Variants in WDR72 observed in about 807,000 individuals in gnomAD.
WDR72 encodes WD repeat domain 72.
WDR72 carries 120 observed loss-of-function variants against 124.2 expected under a neutral mutation model. That is an observed-to-expected ratio of 0.97 (90% CI 0.83 to 1.12). The LOEUF (loss-of-function observed/expected upper bound fraction) is 1.12. WDR72 is among the 50% of genes most tolerant of loss of function. The probability of loss-of-function intolerance (pLI) is 0.00; values close to 1 mark genes in which losing one functional copy is unlikely to be tolerated. For synonymous variants in WDR72, 452 were observed against 441.7 expected (o/e 1.02, Z -0.29); for missense variants, 1,387 against 1,278.8 (o/e 1.08, Z -1.29).
intron 18 of WDR72, among the ~76,000 whole-genome samples, chr15:53,578,556 G>C (rs145925729): frequency 4.3e-4 from 66 of 152,220 alleles, no homozygotes; most frequent in African/African-American, 1.5e-3. Context: ...CGGTCCTTTG[G>C]AGGAACTGAA....
chr15:53,678,429 T>G, intron 13 of WDR72, among the ~76,000 whole-genome samples: 1 of 152,190 alleles, frequency 6.6e-6, no homozygotes, highest in East Asian at 1.9e-4. Flanking sequence ...CAGTAGTCTT[T>G]GGTGGGCTCT....
intron 13 of WDR72, among the ~76,000 whole-genome samples, chr15:53,693,435 A>G (rs1176425308): frequency 6.6e-6 from 1 of 152,216 alleles, no homozygotes; most frequent in African/African-American, 2.4e-5. Context: ...TAAACTATTA[A>G]AGCAAACTCA....
intron 18 of WDR72, among the ~76,000 whole-genome samples, chr15:53,548,879 T>C (rs1893606548): frequency 6.6e-6 from 1 of 152,116 alleles, no homozygotes; most frequent in African/African-American, 2.4e-5. Context: ...ATGCAAACAG[T>C]GTTTCCATTT....
chr15:53,699,893 A>G lies in WDR72; in HGVS notation c.1622T>C (p.Leu541Pro), dbSNP rs769398754. Residue 541 changes from leucine to proline, a missense_variant, in exon 13 of 20, where the codon CTC becomes CCC. Leu to Pro is a moderately conservative substitution (Grantham distance 98). Coordinates refer to ENST00000360509, the MANE Select transcript of WDR72 (RefSeq NM_182758.4). The stretch of plus-strand genomic sequence containing the variant: ...GCAACTCTTTCCCTCAAGGTGAAGG[A>G]GAGCCACGGAATGGTCACCGCACAC... ...CCVCGDHSVALLHLEGKSCLL... is the reference protein window; with the variant it reads ...CCVCGDHSVAPLHLEGKSCLL... 6.2e-7 allele frequency: 1 copy of G among 1,614,200 alleles called. No homozygotes were observed.
intron 14 of WDR72, among the ~76,000 whole-genome samples, chr15:53,649,571 T>C (rs1015264413): frequency 2.6e-5 from 4 of 152,028 alleles, no homozygotes; most frequent in Admixed American, 1.3e-4. Flanking sequence ...AGTCCAAGAA[T>C]TCTTACAACT....
At chr15:53,728,579 T>C (rs923953630) in intron 2 of WDR72, among the ~76,000 whole-genome samples, 4 of 152,216 alleles carry the variant, frequency 2.6e-5, no homozygotes, top group African/African-American at 9.6e-5. Flanking sequence ...CCATTCTTTG[T>C]CTCCACACAT....
intron 13 of WDR72, among the ~76,000 whole-genome samples, chr15:53,681,327 A>G (rs74015880): frequency 0.027 from 4,108 of 152,262 alleles, 102 homozygotes; most frequent in East Asian, 0.069. Flanking sequence ...ACTAAACGTT[A>G]CAGCTGTGAA....
intron 18 of WDR72, among the ~76,000 whole-genome samples, chr15:53,563,392 C>A (rs1781896764): frequency 6.6e-6 from 1 of 151,758 alleles, no homozygotes; most frequent in Admixed American, 6.6e-5. Context: ...ACATGTACTT[C>A]ATTTGAGCTG....
chr15:53,731,937 A>G (rs74370851), intron 2 of WDR72, among the ~76,000 whole-genome samples: 1,885 of 152,344 alleles, frequency 0.012, 37 homozygotes, highest in African/African-American at 0.043. Flanking sequence ...TGACCTACAT[A>G]TTATTACACA....
Position 53,615,448 on chromosome 15 carries a change from C to A in WDR72, c.2758G>T (p.Glu920Ter). 6.2e-7 allele frequency: 1 copy of A among 1,610,854 alleles called. No homozygotes were observed. Among genetic ancestry groups the A allele is most frequent in the African/African-American group, 1.3e-5 (1 of 74,858 alleles). Reference sequence around the variant, plus strand: ...TACCTGCCAACTCTACATGCCAATTCTAAAGGCATGTTAACTAATTTATTA... The same window carrying A: ...TACCTGCCAACTCTACATGCCAATTATAAAGGCATGTTAACTAATTTATTA... ...LVNKLVNMPL[E>*]LACRVGSSFR... The change falls in exon 15 of 20, where the codon GAA becomes TAA. Residue 920 changes from glutamate to a stop codon, truncating the protein, a stop_gained. Coordinates refer to ENST00000360509, the MANE Select transcript of WDR72 (RefSeq NM_182758.4). LOFTEE classifies it high-confidence loss of function.
chr15:53,716,847 A>G (rs1567045960), intron 3 of WDR72, among the ~76,000 whole-genome samples, 162 bp from the exon 4 acceptor site: 2 of 152,122 alleles, frequency 1.3e-5, no homozygotes, highest in East Asian at 1.9e-4. Flanking sequence ...GGGATGACAT[A>G]CTGTATCTGT....
At chr15:53,652,693 T>C (rs1166978635) in intron 14 of WDR72, among the ~76,000 whole-genome samples, 4 of 152,176 alleles carry the variant, frequency 2.6e-5, no homozygotes, top group South Asian at 2.1e-4. Flanking sequence ...GTGCTTATTT[T>C]AGACAACTTT....
At chr15:53,623,265 T>G (rs544216268) in intron 14 of WDR72, among the ~76,000 whole-genome samples, 7 of 152,182 alleles carry the variant, frequency 4.6e-5, no homozygotes, top group African/African-American at 1.7e-4. Flanking sequence ...CACAGTCCTC[T>G]TCTTTCCTTT....
At chr15:53,604,269 G>A (rs778936387) in intron 17 of WDR72, among the ~76,000 whole-genome samples, 62 of 152,174 alleles carry the variant, frequency 4.1e-4, no homozygotes, top group Non-Finnish European at 8.2e-4. Context: ...GGGATAACTG[G>A]TTAGCCACAT....
At chr15:53,674,025 T>C (rs2016081360) in intron 13 of WDR72, among the ~76,000 whole-genome samples, 1 of 152,034 alleles carries the variant, frequency 6.6e-6, no homozygotes, top group Admixed American at 6.6e-5. Flanking sequence ...TCATCACTAA[T>C]CACATAATAG....
chr15:53,722,864 T>G lies in WDR72; in HGVS notation c.198A>C (p.Thr66=). The G allele has an allele frequency of 1.2e-6, 2 of 1,612,680 alleles. No individual in the cohort carries two copies. Among genetic ancestry groups the G allele is most frequent in the Admixed American group, 3.3e-5 (2 of 59,978 alleles). Reference sequence around the variant, plus strand: ...AGAAGTCCCTTGCTCTTGCCAAACATGTTACCGAAGCTGAATGACCAAATA... The same window carrying G: ...AGAAGTCCCTTGCTCTTGCCAAACAGGTTACCGAAGCTGAATGACCAAATA... The part of the protein sequence containing the change: ...ELLFGHSASV[T]CLARARDFSK... Residue 66 remains threonine, a synonymous_variant, in exon 3 of 20, where the codon ACA becomes ACC. Coordinates refer to ENST00000360509, the MANE Select transcript of WDR72 (RefSeq NM_182758.4).
At chr15:53,670,437 T>A (rs932258258) in intron 13 of WDR72, among the ~76,000 whole-genome samples, 1 of 152,192 alleles carries the variant, frequency 6.6e-6, no homozygotes, top group Non-Finnish European at 1.5e-5. Context: ...CAGTTCAGCA[T>A]AACCCACAGC....
chr15:53,670,714 G>A (rs1461408), intron 13 of WDR72, among the ~76,000 whole-genome samples: 10,357 of 152,228 alleles, frequency 0.068, 1,207 homozygotes, highest in African/African-American at 0.24. Context: ...CCTACATCAT[G>A]GAGTTACTTG....
At chr15:53,659,188 G>A (rs1469251717) in intron 14 of WDR72, among the ~76,000 whole-genome samples, 1 of 152,148 alleles carries the variant, frequency 6.6e-6, no homozygotes, top group Non-Finnish European at 1.5e-5. Flanking sequence ...AGCTTTCTTT[G>A]AAGAACTATT....
Sources: allele counts gnomAD v4.1 joint callset (sites outside exome capture counted in the v4.1 genomes callset), GRCh38; gene constraint gnomAD v4.1.1; transcripts MANE v1.5; gene names NCBI Gene and HGNC (gene_info 2026-07-23, HGNC 2026-07-21).